The following TPTE variants were observed in gnomAD, a reference collection of about 807,000 sequenced individuals.
TPTE encodes the protein putative tyrosine-protein phosphatase TPTE.
Under a neutral mutation model 84.1 loss-of-function variants are expected in TPTE, and 59 were observed. The observed-to-expected ratio is 0.70, with a 90% confidence interval of 0.57 to 0.87. The LOEUF is 0.87. Among genes scored for constraint, TPTE ranks in the 40% least tolerant of loss-of-function variants. The pLI is 0.00. For missense variants in TPTE, 382 were observed against 659.6 expected (o/e 0.58, Z 4.61); for synonymous variants, 130 against 223.5 (o/e 0.58, Z 3.73).
At chr21:10,560,624 A>T (rs1319439770) in intron 9 of TPTE, among the ~76,000 whole-genome samples, 1 of 152,308 alleles carries the variant, frequency 6.6e-6, no homozygotes, top group Non-Finnish European at 1.5e-5. Flanking sequence ...GTTTTTATTA[A>T]TAAATTCTTT....
At chr21:10,531,967 C>T (rs364255) in intron 3 of TPTE, among the ~76,000 whole-genome samples, 30,795 of 142,894 alleles carry the variant, frequency 0.22, 63 homozygotes, top group African/African-American at 0.47. Flanking sequence ...GACATATATC[C>T]ACATAGGTTT....
intron 5 of TPTE, 32 bp from the exon 6 acceptor site, chr21:10,542,363 C>T: frequency 1.9e-6 from 3 of 1,607,836 alleles, no homozygotes; most frequent in Admixed American, 1.7e-5. Flanking sequence ...ATTATGTCTC[C>T]TCTCTGACTG....
chr21:10,557,756 AT>A (rs2074711929), intron 8 of TPTE, among the ~76,000 whole-genome samples: 1 of 152,098 alleles, frequency 6.6e-6, no homozygotes, highest in African/African-American at 2.4e-5. Flanking sequence ...TTTAACTTTT[AT>A]TTTAGGTTTG....
intron 8 of TPTE, among the ~76,000 whole-genome samples, chr21:10,554,977 C>G (rs1470355136): frequency 1.3e-5 from 2 of 152,312 alleles, no homozygotes; most frequent in East Asian, 1.9e-4. Flanking sequence ...ATGGCCACCT[C>G]CCTACCCCCA....
intron 7 of TPTE, among the ~76,000 whole-genome samples, chr21:10,543,681 A>C (rs1361459292): frequency 6.6e-6 from 1 of 152,306 alleles, no homozygotes; most frequent in Non-Finnish European, 1.5e-5. Flanking sequence ...GGAGTTGTAT[A>C]AGGAGGTCAG....
At chr21:10,552,342 CATATT>C (rs2074590355) in intron 7 of TPTE, among the ~76,000 whole-genome samples, 1 of 152,300 alleles carries the variant, frequency 6.6e-6, no homozygotes, top group African/African-American at 2.4e-5. Context: ...TGTCTACACA[CATATT>C]ATTTATATAT....
intron 3 of TPTE, among the ~76,000 whole-genome samples, chr21:10,534,636 A>T (rs1395711358): frequency 6.6e-6 from 1 of 152,312 alleles, no homozygotes; most frequent in Non-Finnish European, 1.5e-5. Flanking sequence ...GTGAAATGAT[A>T]TCACTAGCCT....
At chr21:10,570,585 G>T (rs569604477) in intron 14 of TPTE, 36 bp downstream of exon 14, 2 of 1,613,894 alleles carry the variant, frequency 1.2e-6, no homozygotes, top group South Asian at 2.2e-5. Flanking sequence ...TCATTTCTTA[G>T]TGAATGTAGA....
chr21:10,605,495 G>A lies in TPTE; in HGVS notation c.1599G>A (p.Val533=). ...ARRIYPSDFA[V]EILFGEKMTS... is the part of the protein sequence containing the mutation. ...GAATTTATCCATCAGATTTTGCCGT[G>A]GAGATACTTTTTGGCGAGAAAATGA... is the stretch of plus-strand genomic sequence containing the variant. The change falls in exon 24 of 24, where the codon GTG becomes GTA. Residue 533 remains valine, a synonymous_variant. Coordinates refer to ENST00000618007, the MANE Select transcript of TPTE (RefSeq NM_199261.4). The A allele has an allele frequency of 6.2e-7, 1 of 1,614,242 alleles. No homozygotes were observed. Among genetic ancestry groups the A allele is most frequent in the Non-Finnish European group, 8.5e-7 (1 of 1,180,028 alleles).
chr21:10,521,808 C>G (rs1336608429), intron 1 of TPTE, 114 bp downstream of exon 1: 1 of 152,364 alleles, frequency 6.6e-6, no homozygotes, highest in Non-Finnish European at 1.5e-5. Flanking sequence ...GATGGCTGAA[C>G]CCCTCGCCCG....
chr21:10,569,860 A>G, intron 13 of TPTE, 114 bp downstream of exon 13: 1 of 1,604,652 alleles, frequency 6.2e-7, no homozygotes, highest in Non-Finnish European at 8.5e-7. Flanking sequence ...ATTCATGAGG[A>G]TATATGCTAC....
In TPTE at chr21:10,543,278, C is replaced by T. The variant is rs376983958; in HGVS notation, c.120-51C>T. Reference sequence around the variant, plus strand: ...CAATCTCCTGACCTCATGATCCACCCGCCTCGGCCTCCCAAAGTGCTGCTG... The same window carrying T: ...CAATCTCCTGACCTCATGATCCACCTGCCTCGGCCTCCCAAAGTGCTGCTG... On this transcript the variant is annotated intron_variant, in intron 6 of 23. Transcript: ENST00000618007. 294 of 1,476,724 alleles carry T rather than the reference C, an allele frequency of 2.0e-4. 50 individuals are homozygous for T. In the African/African-American group the frequency reaches 4.6e-3, roughly 23 times the overall value. 91.5% of individuals were successfully genotyped at this position (1,476,724 alleles called of 1,614,324 possible).
chr21:10,525,182 G>C (rs1454649276), intron 2 of TPTE, among the ~76,000 whole-genome samples: 1 of 152,310 alleles, frequency 6.6e-6, no homozygotes, highest in Non-Finnish European at 1.5e-5. Context: ...TTACAGTGAA[G>C]GTCACAAATG....
chr21:10,591,448 T>C (rs1433940533), intron 18 of TPTE, among the ~76,000 whole-genome samples: 1 of 152,308 alleles, frequency 6.6e-6, no homozygotes, highest in Non-Finnish European at 1.5e-5. Flanking sequence ...GATTTATCAG[T>C]GAGTTTTAAA....
intron 14 of TPTE, among the ~76,000 whole-genome samples, chr21:10,574,561 C>T (rs1177705827): frequency 2.6e-5 from 4 of 152,406 alleles, no homozygotes; most frequent in South Asian, 2.1e-4. Flanking sequence ...TGAAAAGGGG[C>T]GAGGGAATTC....
At chr21:10,553,022 C>T (rs529380960) in intron 8 of TPTE, among the ~76,000 whole-genome samples, 75 of 152,386 alleles carry the variant, frequency 4.9e-4, no homozygotes, top group African/African-American at 1.7e-3. Flanking sequence ...TGCTACTTAA[C>T]TCATCAATAG....
chr21:10,521,837 G>C (rs1210400321), intron 1 of TPTE, 143 bp downstream of exon 1: 1 of 152,366 alleles, frequency 6.6e-6, no homozygotes, highest in African/African-American at 2.4e-5. Flanking sequence ...CGTGTCTTTT[G>C]GGGGGCCGGG....
At chr21:10,545,042 A>T (rs1231870262) in intron 7 of TPTE, among the ~76,000 whole-genome samples, 1 of 152,310 alleles carries the variant, frequency 6.6e-6, no homozygotes, top group East Asian at 1.9e-4. Flanking sequence ...TAGATTATAA[A>T]TTGTGGAATA....
chr21:10,523,851 T>A (rs1288907203), intron 1 of TPTE, among the ~76,000 whole-genome samples: 1 of 152,306 alleles, frequency 6.6e-6, no homozygotes, highest in Non-Finnish European at 1.5e-5. Flanking sequence ...TTTCTAGTTC[T>A]AGATCCCTGA....
Sources: gnomAD v4.1 joint callset for allele counts (sites outside exome capture counted in the v4.1 genomes callset) on GRCh38, gnomAD v4.1.1 for gene constraint, MANE v1.5 for transcripts, NCBI Gene and HGNC (gene_info 2026-07-23, HGNC 2026-07-21) for gene names.